Variants in CDK19 observed in about 807,000 individuals in gnomAD.
The protein encoded by CDK19 is cyclin dependent kinase 19.
Under a neutral mutation model 68.3 loss-of-function variants are expected in CDK19, and 20 were observed. The observed-to-expected ratio is 0.29, with a 90% CI of 0.21 to 0.43. CDK19 has a LOEUF of 0.43. Ranked by LOEUF, CDK19 falls within the 20% of genes least tolerant of loss-of-function variation. The pLI is 1.00. For synonymous variants in CDK19, 221 were observed against 222.8 expected (o/e 0.99, Z 0.07); for missense variants, 339 against 623.5 (o/e 0.54, Z 4.86).
chr6:110,791,070 C>A (rs1199697216), intron 1 of CDK19, among the ~76,000 whole-genome samples: 1 of 151,768 alleles, frequency 6.6e-6, no homozygotes, highest in Non-Finnish European at 1.5e-5. Flanking sequence ...TCTTGGGAGG[C>A]TGAGGCAGGA....
At chr6:110,749,990 T>C (rs1313683235) in intron 1 of CDK19, among the ~76,000 whole-genome samples, 1 of 145,068 alleles carries the variant, frequency 6.9e-6, no homozygotes, top group Non-Finnish European at 1.5e-5. Flanking sequence ...CAGGCTGGTC[T>C]CGAACTCCTG....
intron 1 of CDK19, among the ~76,000 whole-genome samples, chr6:110,776,564 C>G (rs944452706): frequency 2.6e-5 from 4 of 152,180 alleles, no homozygotes; most frequent in African/African-American, 9.6e-5. Context: ...GTTGTGAAAG[C>G]TAAATGGCAG....
intron 1 of CDK19, among the ~76,000 whole-genome samples, chr6:110,746,445 C>G (rs1047678140): frequency 2.6e-5 from 4 of 152,040 alleles, no homozygotes; most frequent in East Asian, 3.9e-4. Flanking sequence ...TGAAACAGAA[C>G]AGGATACTAA....
chr6:110,759,415 AAAAAAAAAAAAAAATAT>A (rs1779051778), intron 1 of CDK19, among the ~76,000 whole-genome samples: 1 of 118,460 alleles, frequency 8.4e-6, no homozygotes, highest in South Asian at 2.5e-4. Flanking sequence ...AAAAAAAAAA[AAAAAAAAAAAAAAATAT>A]ATATATATAT....
intron 1 of CDK19, among the ~76,000 whole-genome samples, chr6:110,770,401 A>C (rs1470176430): frequency 6.6e-6 from 1 of 152,198 alleles, no homozygotes; most frequent in African/African-American, 2.4e-5. Flanking sequence ...GAAAATGAGA[A>C]GGATGCAAAA....
chr6:110,784,403 T>C (rs1054864853), intron 1 of CDK19, among the ~76,000 whole-genome samples: 1 of 152,122 alleles, frequency 6.6e-6, no homozygotes, highest in African/African-American at 2.4e-5. Flanking sequence ...CATAAGTTAT[T>C]AGGGAACTGC....
At chr6:110,711,003 T>A (rs922137990) in intron 2 of CDK19, among the ~76,000 whole-genome samples, 23 of 152,166 alleles carry the variant, frequency 1.5e-4, no homozygotes, top group Non-Finnish European at 3.1e-4. Context: ...TTACAATCAG[T>A]TATGAATATT....
At chr6:110,732,346 A>T (rs2114802583) in intron 2 of CDK19, among the ~76,000 whole-genome samples, 1 of 152,132 alleles carries the variant, frequency 6.6e-6, no homozygotes, top group East Asian at 1.9e-4. Flanking sequence ...AAAAATACCA[A>T]AAAAAATTTA....
chr6:110,686,900 C>T (rs1358343251), intron 2 of CDK19, among the ~76,000 whole-genome samples: 1 of 152,130 alleles, frequency 6.6e-6, no homozygotes, highest in Non-Finnish European at 1.5e-5. Flanking sequence ...ACTTACACTT[C>T]TAAAATACAT....
At chr6:110,698,753 A>G (rs1773714591) in intron 2 of CDK19, among the ~76,000 whole-genome samples, 2 of 152,180 alleles carry the variant, frequency 1.3e-5, no homozygotes, top group African/African-American at 2.4e-5. Flanking sequence ...GAACCAACCT[A>G]AGTGCTCATT....
intron 2 of CDK19, among the ~76,000 whole-genome samples, chr6:110,690,142 T>C (rs182303290): frequency 6.6e-6 from 1 of 152,154 alleles, no homozygotes; most frequent in Admixed American, 6.5e-5. Context: ...CAGTTAGGGC[T>C]TCCCCCACAG....
chr6:110,765,723 T>C (rs1033750285), intron 1 of CDK19, among the ~76,000 whole-genome samples: 4 of 150,232 alleles, frequency 2.7e-5, no homozygotes, highest in Non-Finnish European at 4.4e-5. Context: ...GGGAATATTA[T>C]ATATATAAAT....
chr6:110,674,597 G>A (rs1403736353), intron 2 of CDK19, among the ~76,000 whole-genome samples: 1 of 152,150 alleles, frequency 6.6e-6, no homozygotes, highest in Non-Finnish European at 1.5e-5. Flanking sequence ...TAAACTAGCT[G>A]CAACATTACC....
At chr6:110,802,268 C>T (rs994902901) in intron 1 of CDK19, among the ~76,000 whole-genome samples, 1 of 152,170 alleles carries the variant, frequency 6.6e-6, no homozygotes, top group African/African-American at 2.4e-5. Flanking sequence ...ATACAAAAGT[C>T]ATGGAATCCT....
At chr6:110,740,520 C>T (rs140188950) in intron 2 of CDK19, among the ~76,000 whole-genome samples, 1 of 152,246 alleles carries the variant, frequency 6.6e-6, no homozygotes, top group African/African-American at 2.4e-5. Flanking sequence ...TTTAGTGAGA[C>T]GAGGTAATAA....
At chr6:110,798,496 C>A (rs1583128326) in intron 1 of CDK19, among the ~76,000 whole-genome samples, 1 of 151,486 alleles carries the variant, frequency 6.6e-6, no homozygotes, top group South Asian at 2.1e-4. Flanking sequence ...TGATGGCAGG[C>A]ACCTGTAATC....
chr6:110,664,749 T>C (rs1027588310), intron 4 of CDK19, among the ~76,000 whole-genome samples: 2 of 151,912 alleles, frequency 1.3e-5, no homozygotes, highest in South Asian at 2.1e-4. Context: ...ATAATACTAA[T>C]AGATAAATGC....
chr6:110,658,078 G>A (rs1206197746), intron 4 of CDK19, among the ~76,000 whole-genome samples: 1 of 152,212 alleles, frequency 6.6e-6, no homozygotes, highest in Non-Finnish European at 1.5e-5. Flanking sequence ...TAAGGTGTGT[G>A]TCACCATATC....
chr6:110,740,972 GAAGA>G (rs145918058), intron 2 of CDK19, among the ~76,000 whole-genome samples: 4,189 of 152,096 alleles, frequency 0.028, 80 homozygotes, highest in South Asian at 0.084. Context: ...CTCAACAGCA[GAAGA>G]AAGAATCAGA....
Sources: allele counts gnomAD v4.1 joint callset (sites outside exome capture counted in the v4.1 genomes callset), GRCh38; gene constraint gnomAD v4.1.1; transcripts MANE v1.5; gene names NCBI Gene and HGNC (gene_info 2026-07-23, HGNC 2026-07-21).